The following TCERG1L variants were observed in gnomAD, a reference collection of about 807,000 sequenced individuals.
TCERG1L encodes the protein transcription elongation regulator 1-like protein.
A neutral mutation model predicts 56.3 loss-of-function variants in TCERG1L; 37 were observed. The observed-to-expected ratio is 0.66, with a 90% confidence interval of 0.51 to 0.87. The LOEUF is 0.87. Among genes scored for constraint, TCERG1L ranks in the 40% least tolerant of loss-of-function variants. The probability of loss-of-function intolerance (pLI) is 0.00; values close to 1 mark genes in which losing one functional copy is unlikely to be tolerated. For synonymous variants in TCERG1L, 324 were observed against 326.3 expected, an observed-to-expected ratio of 0.99 and a Z score of 0.08; for missense variants, 799 against 774.2, an observed-to-expected ratio of 1.03 and a Z score of -0.38.
intron 4 of TCERG1L, among the ~76,000 whole-genome samples, chr10:131,195,040 T>C (rs961163484): frequency 6.6e-6 from 1 of 152,220 alleles, no homozygotes; most frequent in Non-Finnish European, 1.5e-5. Context: ...ACCCTTTTAG[T>C]GCCCATGGAC....
intron 4 of TCERG1L, among the ~76,000 whole-genome samples, chr10:131,237,189 C>T (rs941764236): frequency 1.3e-5 from 2 of 152,084 alleles, no homozygotes; most frequent in Non-Finnish European, 2.9e-5. Flanking sequence ...CCCAGAGACC[C>T]ACTTAGCAAA....
chr10:131,101,432 T>C (rs1365034361), intron 10 of TCERG1L, among the ~76,000 whole-genome samples: 2 of 152,258 alleles, frequency 1.3e-5, no homozygotes, highest in East Asian at 3.8e-4. Context: ...CAATGTTTTT[T>C]AAAGGGACTA....
At chr10:131,200,873 C>T (rs997340495) in intron 4 of TCERG1L, among the ~76,000 whole-genome samples, 12 of 152,070 alleles carry the variant, frequency 7.9e-5, no homozygotes, top group African/African-American at 2.9e-4. Flanking sequence ...TCGCTTAGAT[C>T]ACAAGGGATC....
At chr10:131,163,338 C>T (rs976178985) in intron 5 of TCERG1L, 128 bp from the exon 6 acceptor site, 9 of 703,238 alleles carry the variant, frequency 1.3e-5, no homozygotes, top group Non-Finnish European at 2.0e-5. Flanking sequence ...GAGATAATGA[C>T]CTCAGCACGG....
At chr10:131,281,752 C>T (rs181008086) in intron 3 of TCERG1L, among the ~76,000 whole-genome samples, 2 of 144,590 alleles carry the variant, frequency 1.4e-5, no homozygotes, top group East Asian at 3.9e-4. Flanking sequence ...CTACCCATCA[C>T]AATTTGTATA....
intron 4 of TCERG1L, among the ~76,000 whole-genome samples, chr10:131,238,229 G>A (rs12569729): frequency 0.046 from 6,957 of 152,188 alleles, 372 homozygotes; most frequent in East Asian, 0.23. Flanking sequence ...GTGCTGTTCC[G>A]TTGTGCAGCC....
At chr10:131,129,801 T>G (rs535005936) in intron 8 of TCERG1L, among the ~76,000 whole-genome samples, 1 of 152,200 alleles carries the variant, frequency 6.6e-6, no homozygotes, top group Non-Finnish European at 1.5e-5. Context: ...GGAGGTGTAA[T>G]TGACTCACAG....
chr10:131,119,296 A>G (rs893676169), intron 8 of TCERG1L, among the ~76,000 whole-genome samples: 7 of 152,230 alleles, frequency 4.6e-5, no homozygotes, highest in African/African-American at 1.7e-4. Flanking sequence ...CAACGAATAC[A>G]AAATGTGCAA....
chr10:131,182,668 C>T (rs1002390408), intron 4 of TCERG1L, among the ~76,000 whole-genome samples: 5 of 152,202 alleles, frequency 3.3e-5, no homozygotes, highest in Non-Finnish European at 7.3e-5. Flanking sequence ...TTAGCATTTG[C>T]GGGCCTGTTA....
At chr10:131,186,376 T>TA (rs1845245781) in intron 4 of TCERG1L, among the ~76,000 whole-genome samples, 1 of 152,042 alleles carries the variant, frequency 6.6e-6, no homozygotes, top group African/African-American at 2.4e-5. Context: ...TTCATCTCAA[T>TA]AAAGAAGAGA....
In TCERG1L at chr10:131,219,468, T is replaced by C. The variant is rs182602754; in HGVS notation, c.856+40791A>G. On this transcript the variant is annotated intron_variant, in intron 4 of 11. Transcript: ENST00000368642. ...GGATGCCAGGCTGTGGGTGGACCCT[T>C]AGCTTACCCCTGTGGAGCCTAGCAC... 3.0e-4 allele frequency among the ~76,000 whole-genome samples: 45 copies of C among 152,282 alleles called. 1 individual carries two copies. In the East Asian group the frequency reaches 7.0e-3, roughly 24 times the overall value.
intron 3 of TCERG1L, among the ~76,000 whole-genome samples, chr10:131,269,018 C>T (rs920717716): frequency 6.6e-5 from 10 of 152,346 alleles, no homozygotes; most frequent in Admixed American, 6.5e-4. Flanking sequence ...ACTCAGCTAA[C>T]TTGTTGGTGC....
intron 7 of TCERG1L, among the ~76,000 whole-genome samples, chr10:131,137,312 C>T (rs117841908): frequency 4.6e-5 from 7 of 152,200 alleles, no homozygotes; most frequent in Non-Finnish European, 1.0e-4. Flanking sequence ...TGTGCCCTCC[C>T]GGTTTTCCCT....
intron 3 of TCERG1L, among the ~76,000 whole-genome samples, chr10:131,285,533 AAAAGAAAAG>A (rs1846526818): frequency 6.0e-5 from 3 of 50,202 alleles, no homozygotes; most frequent in South Asian, 5.2e-4. Flanking sequence ...AGAGAGAAAG[AAAAGAAAAG>A]AAAGAAAGGA....
intron 9 of TCERG1L, among the ~76,000 whole-genome samples, chr10:131,112,875 C>T (rs1845424609): frequency 7.0e-6 from 1 of 142,422 alleles, no homozygotes; most frequent in Non-Finnish European, 1.6e-5. Flanking sequence ...GCAGGGTTTT[C>T]ACCTACTGAC....
chr10:131,214,790 C>A (rs1845652447), intron 4 of TCERG1L, among the ~76,000 whole-genome samples: 1 of 152,200 alleles, frequency 6.6e-6, no homozygotes, highest in African/African-American at 2.4e-5. Flanking sequence ...ACCTACTGAC[C>A]ATGTGCCCAC....
intron 4 of TCERG1L, among the ~76,000 whole-genome samples, chr10:131,184,507 G>A (rs1017401374): frequency 2.6e-5 from 4 of 152,184 alleles, no homozygotes; most frequent in African/African-American, 9.7e-5. Context: ...TGCGATATTT[G>A]GCAAGAGTCA....
intron 9 of TCERG1L, among the ~76,000 whole-genome samples, chr10:131,115,967 G>A (rs1369524296): frequency 6.6e-6 from 1 of 152,218 alleles, no homozygotes; most frequent in African/African-American, 2.4e-5. Flanking sequence ...AGCAGCCTGA[G>A]GGGTGGGTGC....
At chr10:131,180,198 A>G (rs1394151837) in intron 4 of TCERG1L, among the ~76,000 whole-genome samples, 2 of 152,214 alleles carry the variant, frequency 1.3e-5, no homozygotes, top group African/African-American at 2.4e-5. Context: ...AGAAGAATCT[A>G]TATGATACGG....
Sources: gnomAD v4.1 joint callset for allele counts (sites outside exome capture counted in the v4.1 genomes callset) on GRCh38, gnomAD v4.1.1 for gene constraint, MANE v1.5 for transcripts, NCBI Gene and HGNC (gene_info 2026-07-23, HGNC 2026-07-21) for gene names.